The following DERA variants were observed in gnomAD, a reference collection of about 807,000 sequenced individuals.
The protein encoded by DERA is 2-deoxy-D-ribose 5-phosphate aldolase.
DERA carries 15 observed loss-of-function variants against 41.1 expected under a neutral mutation model. The ratio of observed to expected loss-of-function variants is 0.37; its 90% CI spans 0.24 to 0.56. The LOEUF (loss-of-function observed/expected upper bound fraction) is 0.56. DERA is among the 20% of genes least tolerant of loss of function. The pLI is 0.81. For synonymous variants in DERA, 139 were observed against 137.4 expected (o/e 1.01, Z -0.08); for missense variants, 396 against 403.4 (o/e 0.98, Z 0.16).
intron 1 of DERA, among the ~76,000 whole-genome samples, chr12:15,939,238 T>G (rs1948392551): frequency 6.6e-6 from 1 of 152,078 alleles, no homozygotes; most frequent in Non-Finnish European, 1.5e-5. Context: ...ATGAGTGAAA[T>G]CATCTTGCAT....
intron 6 of DERA, among the ~76,000 whole-genome samples, chr12:16,022,074 C>G (rs970880176): frequency 6.6e-6 from 1 of 152,182 alleles, no homozygotes; most frequent in African/African-American, 2.4e-5. Context: ...GGATGTTTGT[C>G]CCCTCCCAAT....
In DERA at chr12:15,986,453, A is replaced by G. The variant is rs115876331; in HGVS notation, c.637+4017A>G. Reference sequence around the variant, plus strand: ...CATTAGCTATCTTGTAACATTTTGTATCTTCTGTTGGCTTTTTATCTACAG... The same window carrying G: ...CATTAGCTATCTTGTAACATTTTGTGTCTTCTGTTGGCTTTTTATCTACAG... On this transcript the variant is annotated intron_variant, in intron 6 of 8. Coordinates refer to ENST00000428559, the MANE Select transcript of DERA (RefSeq NM_015954.4). Among the ~76,000 whole-genome samples, 856 of 152,148 alleles carry G rather than the reference A, an allele frequency of 5.6e-3. 3 individuals carry two copies. The highest frequency in any genetic ancestry group is 0.019 in the African/African-American group (794 of 41,514).
chr12:15,939,566 A>G (rs992119320), intron 1 of DERA, among the ~76,000 whole-genome samples: 3 of 152,212 alleles, frequency 2.0e-5, no homozygotes, highest in Non-Finnish European at 4.4e-5. Context: ...AATTGTCATT[A>G]ATAATTGAAG....
At chr12:16,007,757 T>C (rs1171929979) in intron 6 of DERA, among the ~76,000 whole-genome samples, 1 of 152,214 alleles carries the variant, frequency 6.6e-6, no homozygotes, top group Non-Finnish European at 1.5e-5. Flanking sequence ...TTTTTAAGAC[T>C]TGTACCTTAG....
At chr12:15,974,867 G>C (rs1948686811) in intron 5 of DERA, among the ~76,000 whole-genome samples, 3 of 152,066 alleles carry the variant, frequency 2.0e-5, no homozygotes, top group Admixed American at 2.0e-4. Flanking sequence ...ATGTGGTATT[G>C]AGGTCCTTCC....
chr12:15,940,949 G>A lies in DERA; in HGVS notation c.32-15987G>A, dbSNP rs1198155997. Reference sequence around the variant, plus strand: ...TGGCAAATGTTGAAAAACATTTTGTGCAAATTGCAGATAATCAACTTTCCT... The same window carrying A: ...TGGCAAATGTTGAAAAACATTTTGTACAAATTGCAGATAATCAACTTTCCT... On this transcript the variant is annotated intron_variant, in intron 1 of 8. Transcript: ENST00000428559. The surrounding 1 kb of genome is among the most constrained non-coding windows in gnomAD (Gnocchi z 5.1). Among the ~76,000 whole-genome samples the A allele has an allele frequency of 6.6e-6, 1 of 152,178 alleles. No individual in the cohort carries two copies. The highest frequency in any genetic ancestry group is 2.4e-5 in the African/African-American group (1 of 41,426).
Position 16,036,900 on chromosome 12 carries a change from C to A in DERA, c.*154C>A. The A allele has an allele frequency of 1.6e-6, 1 of 620,192 alleles. No individual in the cohort carries two copies. The highest frequency in any genetic ancestry group is 2.1e-5 in the South Asian group (1 of 48,622). 38.4% of individuals were successfully genotyped at this position (620,192 alleles called of 1,614,324 possible). On this transcript the variant is annotated 3_prime_UTR_variant, in exon 9 of 9. Transcript: ENST00000428559. This position sits in a 1 kb window ranked among gnomAD's most constrained non-coding sequence, Gnocchi z 4.9. ...ACCGAACTTAATGGAATGGAAAAAG[C>A]AAACTCATCCACATGTGGTACTCAT...
At chr12:15,917,544 C>T (rs920933659) in intron 1 of DERA, among the ~76,000 whole-genome samples, 1 of 152,206 alleles carries the variant, frequency 6.6e-6, no homozygotes. Flanking sequence ...TTATCATTCT[C>T]ATTTCATGGA....
Position 16,026,103 on chromosome 12 carries a change from A to G in DERA, c.638-6439A>G, listed in dbSNP as rs1441397040. On this transcript the variant is annotated intron_variant, in intron 6 of 8. Coordinates refer to ENST00000428559, the MANE Select transcript of DERA (RefSeq NM_015954.4). This position sits in a 1 kb window ranked among gnomAD's most constrained non-coding sequence, Gnocchi z 4.4. ...GCATATATTAGAAAAGAATAAAGTCAATATGCAAGCTTTCATCTTAGGAAA... is the reference window on the plus strand; with the variant it reads ...GCATATATTAGAAAAGAATAAAGTCGATATGCAAGCTTTCATCTTAGGAAA... 2.6e-5 allele frequency among the ~76,000 whole-genome samples: 4 copies of G among 152,142 alleles called. No individual in the cohort carries two copies. Among genetic ancestry groups the G allele is most frequent in the Non-Finnish European group, 4.4e-5 (3 of 67,960 alleles).
intron 2 of DERA, 111 bp from the exon 3 acceptor site, chr12:15,958,077 G>A: frequency 1.2e-6 from 1 of 808,794 alleles, no homozygotes; most frequent in Non-Finnish European, 1.9e-6. Flanking sequence ...GTAGGCATAA[G>A]ATATTAACAC....
At chr12:15,920,344 T>C (rs1035952955) in intron 1 of DERA, among the ~76,000 whole-genome samples, 1 of 152,166 alleles carries the variant, frequency 6.6e-6, no homozygotes, top group African/African-American at 2.4e-5. Flanking sequence ...GTTAAGCCTG[T>C]AGTCACATGG....
chr12:15,936,551 T>C lies in DERA; in HGVS notation c.32-20385T>C, dbSNP rs1948365544. Among the ~76,000 whole-genome samples, 1 of 152,214 alleles carries C rather than the reference T, an allele frequency of 6.6e-6. No individual in the cohort carries two copies. Among genetic ancestry groups the C allele is most frequent in the Non-Finnish European group, 1.5e-5 (1 of 68,034 alleles). ...TATATTTTCTTACAGTACCATAACA[T>C]CATTGTCACAGTATCCAAATTTGAA... On this transcript the variant is annotated intron_variant, in intron 1 of 8. Transcript: ENST00000428559. This position sits in a 1 kb window ranked among gnomAD's most constrained non-coding sequence, Gnocchi z 4.6.
In DERA at chr12:15,972,010, G is replaced by A; in HGVS notation, c.508+9063G>A. 5.5e-6 allele frequency: 1 copy of A among 182,480 alleles called. No individual in the cohort carries two copies. The highest frequency in any genetic ancestry group is 1.2e-5 in the Non-Finnish European group (1 of 86,262). The allele number at this position is 182,480 out of a possible 1,614,324, so 11.3% of individuals were successfully genotyped here. A position where few individuals can be genotyped will look rare whatever the true frequency, so the allele number is the denominator to read the frequency against. Reference sequence around the variant, plus strand: ...GCACATCTGGTCTCATAGGAAGACAGCACCTCGTGTAGCTTCCTGCGATCT... The same window carrying A: ...GCACATCTGGTCTCATAGGAAGACAACACCTCGTGTAGCTTCCTGCGATCT... On this transcript the variant is annotated intron_variant, in intron 5 of 8. Coordinates refer to ENST00000428559, the MANE Select transcript of DERA (RefSeq NM_015954.4). The surrounding 1 kb of genome is among the most constrained non-coding windows in gnomAD (Gnocchi z 4.4).
At chr12:15,969,190 TC>T (rs1382118444) in intron 5 of DERA, among the ~76,000 whole-genome samples, 1 of 152,262 alleles carries the variant, frequency 6.6e-6, no homozygotes, top group Non-Finnish European at 1.5e-5. Context: ...AAGTTGTTCA[TC>T]ATTTCATAAA....
intron 6 of DERA, among the ~76,000 whole-genome samples, chr12:16,031,117 G>A (rs564260506): frequency 6.6e-6 from 1 of 152,134 alleles, no homozygotes; most frequent in Non-Finnish European, 1.5e-5. Flanking sequence ...TAGACCTGTC[G>A]TACAAATGAG....
At chr12:15,934,775 A>G (rs1024450116) in intron 1 of DERA, among the ~76,000 whole-genome samples, 1 of 152,150 alleles carries the variant, frequency 6.6e-6, no homozygotes, top group Non-Finnish European at 1.5e-5. Context: ...TATAGTCCCA[A>G]CCTGGCAAGT....
intron 1 of DERA, among the ~76,000 whole-genome samples, chr12:15,946,683 G>T (rs1346215851): frequency 2.0e-5 from 3 of 152,002 alleles, no homozygotes; most frequent in Non-Finnish European, 4.4e-5. Flanking sequence ...CCAGCTCCTG[G>T]ATTCATTGAT....
rs907069386 is a variant in DERA, at chr12:15,966,193, C to A, written c.508+3246C>A. The stretch of plus-strand genomic sequence containing the variant: ...GCCTCATCACCTCTTGCTCTGCTGC[C>A]GCCCTAAGCTCTGGTTCCGCAGCAA... On this transcript the variant is annotated intron_variant, in intron 5 of 8. Coordinates refer to ENST00000428559, the MANE Select transcript of DERA (RefSeq NM_015954.4). This position sits in a 1 kb window ranked among gnomAD's most constrained non-coding sequence, Gnocchi z 5.1. 1.3e-5 allele frequency among the ~76,000 whole-genome samples: 2 copies of A among 152,124 alleles called. No individual in the cohort carries two copies. Among genetic ancestry groups the A allele is most frequent in the Non-Finnish European group, 2.9e-5 (2 of 68,026 alleles).
At position 15,931,635 on chromosome 12, in the gene DERA, T is replaced by C. The variant is rs1948328707; in HGVS notation, c.31+20221T>C. ...ATGAGAGCATGCTATGGTTTGGATG[T>C]GGTTTGTCTACACTAAAGCTGATGT... On this transcript the variant is annotated intron_variant, in intron 1 of 8. Coordinates refer to ENST00000428559, the MANE Select transcript of DERA (RefSeq NM_015954.4). The surrounding 1 kb of genome is among the most constrained non-coding windows in gnomAD (Gnocchi z 4.6). Among the ~76,000 whole-genome samples the C allele has an allele frequency of 6.6e-6, 1 of 152,198 alleles. No individual in the cohort carries two copies.
Sources: allele counts gnomAD v4.1 joint callset (sites outside exome capture counted in the v4.1 genomes callset), GRCh38; gene constraint gnomAD v4.1.1; non-coding constraint Gnocchi (gnomAD v3.1); transcripts MANE v1.5; gene names NCBI Gene and HGNC (gene_info 2026-07-23, HGNC 2026-07-21).